C8orf34: variants seen among roughly 807,000 people sequenced by gnomAD.
C8orf34 encodes the protein chromosome 8 open reading frame 34, also known as uncharacterized protein C8orf34.
C8orf34 carries 65 observed loss-of-function variants against 68.3 expected under a neutral mutation model. The observed-to-expected ratio is 0.95, with a 90% CI of 0.78 to 1.17. The LOEUF (loss-of-function observed/expected upper bound fraction) is 1.17, where lower values mean the gene tolerates loss of function less well. Among genes scored for constraint, C8orf34 ranks in the 50% most tolerant of loss-of-function variants. C8orf34 has a pLI of 0.00. For synonymous variants in C8orf34, 244 were observed against 241.2 expected, an observed-to-expected ratio of 1.01 and a Z score of -0.11; for missense variants, 664 against 655.4, an observed-to-expected ratio of 1.01 and a Z score of -0.14.
chr8:68,331,026 T>G lies in C8orf34; in HGVS notation c.14T>G (p.Leu5Arg). The G allele has an allele frequency of 6.9e-7, 1 of 1,450,928 alleles. No individual in the cohort carries two copies. The highest frequency in any genetic ancestry group is 9.0e-7 in the Non-Finnish European group (1 of 1,114,926). 89.9% of individuals were successfully genotyped at this position (1,450,928 alleles called of 1,614,324 possible). The change falls in exon 1 of 14, where the codon CTC becomes CGC. Residue 5 changes from leucine to arginine, a missense_variant. By Grantham distance (102) the Leu-to-Arg change is moderately radical. Transcript: ENST00000518698. ...AGAACGCGATGAATGAGTTCTCCCC[T>G]CGCCTCGGAGTTGTCTGAGTTGGCG... is the stretch of plus-strand genomic sequence containing the variant. MSSPLASELSELAAL... is the reference protein window; with the variant it reads MSSPRASELSELAAL...
chr8:68,400,408 T>G (rs1040975949), intron 1 of C8orf34, among the ~76,000 whole-genome samples: 1 of 147,482 alleles, frequency 6.8e-6, no homozygotes. Context: ...CCCAGCACTA[T>G]TTATTGCAAA....
chr8:68,376,114 T>C (rs1254858339), intron 1 of C8orf34, among the ~76,000 whole-genome samples: 3 of 151,804 alleles, frequency 2.0e-5, no homozygotes, highest in Non-Finnish European at 4.4e-5. Context: ...CTCCATGGCC[T>C]AGAACAATGC....
In C8orf34 at chr8:68,411,098, T is replaced by C. The variant is rs185542905; in HGVS notation, c.328-28401T>C. On this transcript the variant is annotated intron_variant, in intron 1 of 13. Transcript: ENST00000518698. Reference sequence around the variant, plus strand: ...TTTCTTGTTTTCCCATGCTATTGTGTTTTCATTCTTTAAGTAATACATTTT... The same window carrying C: ...TTTCTTGTTTTCCCATGCTATTGTGCTTTCATTCTTTAAGTAATACATTTT... 3.1e-4 allele frequency among the ~76,000 whole-genome samples: 47 copies of C among 152,342 alleles called. 1 individual carries two copies. The highest frequency in any genetic ancestry group is 1.1e-3 in the African/African-American group (46 of 41,592).
intron 6 of C8orf34, among the ~76,000 whole-genome samples, chr8:68,528,845 A>G (rs967561408): frequency 6.6e-6 from 1 of 152,236 alleles, no homozygotes. Context: ...AGCTGCAGTC[A>G]TAAAGAAAAC....
At chr8:68,461,811 C>A (rs1376788758) in intron 3 of C8orf34, among the ~76,000 whole-genome samples, 3 of 152,152 alleles carry the variant, frequency 2.0e-5, no homozygotes, top group African/African-American at 4.8e-5. Flanking sequence ...TGGAAAGGAA[C>A]AACCAGTACC....
intron 1 of C8orf34, among the ~76,000 whole-genome samples, chr8:68,415,827 G>A (rs1258020141): frequency 6.6e-6 from 1 of 152,108 alleles, no homozygotes; most frequent in Non-Finnish European, 1.5e-5. Flanking sequence ...TGCCCCAAAT[G>A]GCTTCTCTAT....
At chr8:68,489,665 A>G (rs1813227407) in intron 5 of C8orf34, among the ~76,000 whole-genome samples, 1 of 152,210 alleles carries the variant, frequency 6.6e-6, no homozygotes, top group Admixed American at 6.5e-5. Flanking sequence ...TCGATGCTCA[A>G]AAAGTTTCAG....
intron 12 of C8orf34, 113 bp from the exon 13 acceptor site, chr8:68,815,773 A>G (rs16935099): frequency 0.15 from 226,199 of 1,556,896 alleles, 19,888 homozygotes; most frequent in East Asian, 0.44. Flanking sequence ...ATGTAGTTTT[A>G]ATATTAATTT....
chr8:68,374,553 G>T (rs920157898), intron 1 of C8orf34, among the ~76,000 whole-genome samples: 1 of 152,066 alleles, frequency 6.6e-6, no homozygotes, highest in African/African-American at 2.4e-5. Flanking sequence ...ATTATTCAAC[G>T]CAAGCTTTGA....
rs191774081 is a variant in C8orf34 at position 68,785,201 on chromosome 8, C to G, written c.1456-2242C>G. 7.0e-3 allele frequency among the ~76,000 whole-genome samples: 1,058 copies of G among 150,670 alleles called. 14 individuals carry two copies. Among genetic ancestry groups the G allele is most frequent in the African/African-American group, 0.025 (1,009 of 40,958 alleles). On this transcript the variant is annotated intron_variant, in intron 11 of 13. Transcript: ENST00000518698. ...CCCGGGCAACAAAGTGAGAGTCTGT[C>G]TCAGAAAAAAAAAAGAAAATAAATA...
At position 68,787,537 on chromosome 8, in the gene C8orf34, G is replaced by A. The variant is rs566460944; in HGVS notation, c.1549+1G>A. ...GGAGTGGAAGCAGAACAAGAGAAAC[G>A]TGAGTAGACACTATTGTTTATTGAC... On this transcript the variant is annotated splice_donor_variant, in intron 12 of 13. Coordinates refer to ENST00000518698, the MANE Select transcript of C8orf34 (RefSeq NM_052958.4). LOFTEE classifies it high-confidence loss of function. The A allele has an allele frequency of 1.2e-5, 19 of 1,597,068 alleles. No individual in the cohort carries two copies. In the South Asian group the frequency reaches 1.2e-4, roughly 10 times the overall value.
At chr8:68,440,937 T>G (rs1810877734) in intron 2 of C8orf34, among the ~76,000 whole-genome samples, 1 of 151,994 alleles carries the variant, frequency 6.6e-6, no homozygotes, top group Non-Finnish European at 1.5e-5. Flanking sequence ...CCCGAGTAGC[T>G]GGAACTACAG....
intron 1 of C8orf34, among the ~76,000 whole-genome samples, chr8:68,382,660 C>T (rs1808091576): frequency 6.6e-6 from 1 of 152,184 alleles, no homozygotes; most frequent in Non-Finnish European, 1.5e-5. Context: ...TAGTTTTCTT[C>T]CAGCCTCTTC....
intron 10 of C8orf34, among the ~76,000 whole-genome samples, chr8:68,773,341 A>C (rs1216094060): frequency 1.3e-5 from 2 of 152,112 alleles, no homozygotes; most frequent in African/African-American, 4.8e-5. Context: ...CCACACTTGC[A>C]TTCTTCAAAA....
intron 5 of C8orf34, among the ~76,000 whole-genome samples, chr8:68,506,885 G>A (rs1239982249): frequency 6.6e-6 from 1 of 152,098 alleles, no homozygotes; most frequent in Non-Finnish European, 1.5e-5. Context: ...TGGATGATAA[G>A]TTTTCTAGAG....
chr8:68,527,339 G>A (rs376099283), intron 6 of C8orf34, among the ~76,000 whole-genome samples: 4 of 152,182 alleles, frequency 2.6e-5, no homozygotes, highest in African/African-American at 7.2e-5. Flanking sequence ...CTGGGAGGCC[G>A]AGGCGGGCGG....
chr8:68,711,680 G>T (rs964057560), intron 9 of C8orf34, among the ~76,000 whole-genome samples: 1 of 152,080 alleles, frequency 6.6e-6, no homozygotes, highest in African/African-American at 2.4e-5. Context: ...CAAGAAGTTT[G>T]GGACTGTGTT....
chr8:68,747,422 A>T lies in C8orf34; in HGVS notation c.1404+25985A>T, dbSNP rs375149824. On this transcript the variant is annotated intron_variant, in intron 10 of 13. Transcript: ENST00000518698. The stretch of plus-strand genomic sequence containing the variant: ...GGAGAAGGAAATAAAGGGTATTCAA[A>T]TAGGAAAAGAGGAAGTCAAATTGTC... Among the ~76,000 whole-genome samples, 12 of 148,674 alleles carry T rather than the reference A, an allele frequency of 8.1e-5. No homozygotes were observed. In the East Asian group the frequency reaches 1.4e-3, roughly 17 times the overall value.
chr8:68,639,227 G>A (rs1278953551), intron 7 of C8orf34, among the ~76,000 whole-genome samples: 5 of 152,048 alleles, frequency 3.3e-5, no homozygotes, highest in African/African-American at 1.2e-4. Context: ...AGGTCAAGGT[G>A]ATAAGTTTTT....
Sources: allele counts gnomAD v4.1 joint callset (sites outside exome capture counted in the v4.1 genomes callset), GRCh38; gene constraint gnomAD v4.1.1; transcripts MANE v1.5; gene names NCBI Gene and HGNC (gene_info 2026-07-23, HGNC 2026-07-21).